ICOS: variants seen among roughly 807,000 people sequenced by gnomAD.
The protein encoded by ICOS is inducible T-cell costimulator.
ICOS carries 15 observed loss-of-function variants against 24.6 expected under a neutral mutation model. The observed-to-expected ratio is 0.61, with a 90% CI of 0.41 to 0.94. The LOEUF (loss-of-function observed/expected upper bound fraction) is 0.94, where lower values mean the gene tolerates loss of function less well. Ranked by LOEUF, ICOS falls within the 40% of genes least tolerant of loss-of-function variation. ICOS has a pLI of 0.00. For synonymous variants in ICOS, 89 were observed against 77.5 expected, an observed-to-expected ratio of 1.15 and a Z score of -0.78; for missense variants, 200 against 233.0, an observed-to-expected ratio of 0.86 and a Z score of 0.92.
At position 203,959,630 on chromosome 2, in the gene ICOS, C is replaced by G. The variant is rs559764386; in HGVS notation, c.*31C>G. On this transcript the variant is annotated 3_prime_UTR_variant, in exon 5 of 5. Transcript: ENST00000316386. ...AACTCTGGCACCCAGGCATGAAGCA[C>G]GTTGGCCAGTTTTCCTCAACTTGAA... 1 of 1,610,124 alleles carries G rather than the reference C, an allele frequency of 6.2e-7. No homozygotes were observed. The highest frequency in any genetic ancestry group is 1.3e-5 in the African/African-American group (1 of 74,594).
chr2:203,955,421 A>G (rs531869850), intron 1 of ICOS, among the ~76,000 whole-genome samples: 5 of 152,248 alleles, frequency 3.3e-5, no homozygotes, highest in South Asian at 4.1e-4. Flanking sequence ...TTCACATATG[A>G]CAAGCAAGTT....
chr2:203,956,520 C>T, intron 2 of ICOS, 139 bp from the exon 3 acceptor site: 2 of 697,480 alleles, frequency 2.9e-6, no homozygotes, highest in Non-Finnish European at 5.3e-6. Context: ...TGATGTTAGT[C>T]TAATAACTTG....
chr2:203,944,187 A>G (rs188484978), intron 1 of ICOS, among the ~76,000 whole-genome samples: 1 of 152,274 alleles, frequency 6.6e-6, no homozygotes, highest in Non-Finnish European at 1.5e-5. Context: ...AAATAGTTAC[A>G]AAGTTCAGCT....
intron 1 of ICOS, among the ~76,000 whole-genome samples, chr2:203,940,041 G>A (rs372495027): frequency 6.6e-6 from 1 of 151,878 alleles, no homozygotes; most frequent in African/African-American, 2.4e-5. Context: ...CTTTGCCTCC[G>A]GTTAATTTGG....
Position 203,960,797 on chromosome 2 carries a change from G to A in ICOS, c.*1198G>A, listed in dbSNP as rs1009263595. ...GGTTGAGAGACTCCCCTGAGCCAGA[G>A]GCCACTAGGTATTCTTGCTCCCAGA... On this transcript the variant is annotated 3_prime_UTR_variant, in exon 5 of 5. Transcript: ENST00000316386. The A allele has an allele frequency of 6.6e-6, 1 of 152,196 alleles. No homozygotes were observed. Among genetic ancestry groups the A allele is most frequent in the Non-Finnish European group, 1.5e-5 (1 of 68,044 alleles). 9.4% of individuals were successfully genotyped at this position (152,196 alleles called of 1,614,324 possible).
intron 4 of ICOS, 70 bp from the exon 5 acceptor site, chr2:203,959,516 G>T (rs2105756811): frequency 7.4e-7 from 1 of 1,351,900 alleles, no homozygotes; most frequent in Non-Finnish European, 1.1e-6. Context: ...CAATGGAGAG[G>T]GGAAAGCTTC....
chr2:203,954,826 CTA>C (rs1225001465), intron 1 of ICOS, among the ~76,000 whole-genome samples: 1 of 149,314 alleles, frequency 6.7e-6, no homozygotes, highest in Non-Finnish European at 1.5e-5. Context: ...CACATAGTCT[CTA>C]TATATTGTAA....
rs1286070474 is a variant in ICOS, at chr2:203,959,705, A to G, written c.*106A>G. The G allele has an allele frequency of 6.1e-6, 6 of 981,094 alleles. No homozygotes were observed. The African/African-American group carries it at 9.6e-5, about 16-fold the overall frequency. The allele number at this position is 981,094 out of a possible 1,614,324, so 60.8% of individuals were successfully genotyped here. On this transcript the variant is annotated 3_prime_UTR_variant, in exon 5 of 5. Coordinates refer to ENST00000316386, the MANE Select transcript of ICOS (RefSeq NM_012092.4). ...ACCACGGAGAGTCTGACTTAACTAC[A>G]TACATCTTCTGCTGGTGTTTTGTTC...
intron 3 of ICOS, among the ~76,000 whole-genome samples, 162 bp downstream of exon 3, chr2:203,956,927 C>T (rs1421092676): frequency 6.6e-6 from 1 of 151,982 alleles, no homozygotes; most frequent in African/African-American, 2.4e-5. Flanking sequence ...TCACTTGGAA[C>T]AGAAATTTAT....
At chr2:203,946,983 A>G (rs1217429342) in intron 1 of ICOS, among the ~76,000 whole-genome samples, 1 of 152,192 alleles carries the variant, frequency 6.6e-6, no homozygotes, top group Non-Finnish European at 1.5e-5. Flanking sequence ...TGTTTCCTCC[A>G]GAGGATTTTC....
chr2:203,939,566 G>A lies in ICOS; in HGVS notation c.58+2694G>A, dbSNP rs73993049. Among the ~76,000 whole-genome samples, 366 of 152,270 alleles carry A rather than the reference G, an allele frequency of 2.4e-3. 2 individuals carry two copies. Among genetic ancestry groups the A allele is most frequent in the African/African-American group, 8.2e-3 (342 of 41,548 alleles). The stretch of plus-strand genomic sequence containing the variant: ...AGCAGTGTGGATAATACACCAGATT[G>A]GGAAGGGCTGATGGCAGAGGGTGTC... On this transcript the variant is annotated intron_variant, in intron 1 of 4. Coordinates refer to ENST00000316386, the MANE Select transcript of ICOS (RefSeq NM_012092.4).
Position 203,955,681 on chromosome 2 carries a change from A to G in ICOS, c.104A>G (p.Asn35Ser), listed in dbSNP as rs1690065211. 1.2e-6 allele frequency: 2 copies of G among 1,613,546 alleles called. No homozygotes were observed. The highest frequency in any genetic ancestry group is 1.3e-5 in the African/African-American group (1 of 74,898). ...SANYEMFIFH[N>S]GGVQILCKYP... ...AATTATGAGATGTTTATATTTCACA[A>G]CGGAGGTGTACAAATTTTATGCAAA... Residue 35 changes from asparagine to serine, a missense_variant, in exon 2 of 5, where the codon AAC becomes AGC. Physicochemically the swap from Asn to Ser is conservative, Grantham distance 46. Transcript: ENST00000316386.
rs1690167170 is a variant in ICOS, at chr2:203,960,851, G to A, written c.*1252G>A. 1 of 152,152 alleles carries A rather than the reference G, an allele frequency of 6.6e-6. No individual in the cohort carries two copies. The highest frequency in any genetic ancestry group is 6.5e-5 in the Admixed American group (1 of 15,274). 9.4% of individuals were successfully genotyped at this position (152,152 alleles called of 1,614,324 possible). A position where few individuals can be genotyped will look rare whatever the true frequency, so the allele number is the denominator to read the frequency against. ...TGAAGTCACCCTGGGAATCACAGTG[G>A]TCTACCTGCATTCATAATTCCAGGA... On this transcript the variant is annotated 3_prime_UTR_variant, in exon 5 of 5. Coordinates refer to ENST00000316386, the MANE Select transcript of ICOS (RefSeq NM_012092.4).
chr2:203,952,288 C>T (rs1180844626), intron 1 of ICOS, among the ~76,000 whole-genome samples: 2 of 152,128 alleles, frequency 1.3e-5, no homozygotes, highest in Admixed American at 6.6e-5. Context: ...ATGTATACTT[C>T]ACTTAGAAAA....
intron 2 of ICOS, among the ~76,000 whole-genome samples, chr2:203,956,184 A>G (rs1690075790): frequency 6.6e-6 from 1 of 152,200 alleles, no homozygotes; most frequent in African/African-American, 2.4e-5. Flanking sequence ...GTAATCCCAT[A>G]GACTGCTAAG....
At chr2:203,941,031 A>ACCTCCGCCTCCGCCTCCG (rs776792495) in intron 1 of ICOS, among the ~76,000 whole-genome samples, 1 of 151,674 alleles carries the variant, frequency 6.6e-6, no homozygotes, top group Non-Finnish European at 1.5e-5. Flanking sequence ...TGATCCGCCC[A>ACCTCCGCCTCCGCCTCCG]CCTCCGCCTC....
chr2:203,951,307 A>T (rs1689969309), intron 1 of ICOS, among the ~76,000 whole-genome samples: 3 of 152,204 alleles, frequency 2.0e-5, no homozygotes, highest in Admixed American at 1.3e-4. Context: ...CCTTTGGAAG[A>T]CTTACCCAAC....
At chr2:203,947,374 T>A (rs772001796) in intron 1 of ICOS, among the ~76,000 whole-genome samples, 7 of 152,240 alleles carry the variant, frequency 4.6e-5, no homozygotes, top group Non-Finnish European at 8.8e-5. Context: ...AGTGGTGCAA[T>A]CTCGGCTCAC....
chr2:203,941,835 T>C (rs1363661203), intron 1 of ICOS, among the ~76,000 whole-genome samples: 6 of 152,184 alleles, frequency 3.9e-5, no homozygotes, highest in Non-Finnish European at 7.3e-5. Flanking sequence ...AAATTGAAAG[T>C]GTTAGTCAAG....
Sources: allele counts gnomAD v4.1 joint callset (sites outside exome capture counted in the v4.1 genomes callset), GRCh38; gene constraint gnomAD v4.1.1; transcripts MANE v1.5; gene names NCBI Gene and HGNC (gene_info 2026-07-23, HGNC 2026-07-21).